Variants in MANBA observed in about 807,000 individuals in gnomAD.
The protein encoded by MANBA is mannosidase beta.
A neutral mutation model predicts 111.1 loss-of-function variants in MANBA; 83 were observed. The observed-to-expected ratio is 0.75, with a 90% CI of 0.63 to 0.90. The LOEUF is 0.90. Among genes scored for constraint, MANBA ranks in the 40% least tolerant of loss-of-function variants. The probability of loss-of-function intolerance (pLI) is 0.00; values close to 1 mark genes in which losing one functional copy is unlikely to be tolerated. For missense variants in MANBA, 1,036 were observed against 1,069.0 expected, an observed-to-expected ratio of 0.97 and a Z score of 0.43; for synonymous variants, 370 against 378.7, an observed-to-expected ratio of 0.98 and a Z score of 0.27.
chr4:102,711,924 G>A (rs1173608815), intron 5 of MANBA, among the ~76,000 whole-genome samples: 2 of 152,166 alleles, frequency 1.3e-5, no homozygotes, highest in African/African-American at 2.4e-5. Context: ...ATGAGTGGCA[G>A]AGAGGAATGA....
chr4:102,677,472 A>G (rs1250877333), intron 7 of MANBA, among the ~76,000 whole-genome samples: 1 of 152,242 alleles, frequency 6.6e-6, no homozygotes, highest in Non-Finnish European at 1.5e-5. Flanking sequence ...ACATTTTCCA[A>G]TAACCAATGC....
At chr4:102,677,237 T>C (rs888590177) in intron 7 of MANBA, among the ~76,000 whole-genome samples, 2 of 152,176 alleles carry the variant, frequency 1.3e-5, no homozygotes, top group Non-Finnish European at 2.9e-5. Context: ...AGTGAGCCTA[T>C]CATTTCAAGA....
At chr4:102,664,514 A>C (rs1489235338) in intron 11 of MANBA, among the ~76,000 whole-genome samples, 171 bp downstream of exon 11, 1 of 151,118 alleles carries the variant, frequency 6.6e-6, no homozygotes, top group Non-Finnish European at 1.5e-5. Context: ...GCGCCCAGCT[A>C]ATTTTTTTTG....
chr4:102,673,777 T>A, intron 8 of MANBA, 142 bp downstream of exon 8: 1 of 751,328 alleles, frequency 1.3e-6, no homozygotes, highest in African/African-American at 1.8e-5. Context: ...ATCCTGTCCA[T>A]TCTGAAGTTT....
intron 11 of MANBA, among the ~76,000 whole-genome samples, chr4:102,658,455 A>G (rs1387247283): frequency 6.6e-6 from 1 of 152,218 alleles, no homozygotes; most frequent in African/African-American, 2.4e-5. Context: ...AGTCAGATGG[A>G]CCCAAACGTG....
intron 4 of MANBA, among the ~76,000 whole-genome samples, chr4:102,718,888 G>A (rs574641904): frequency 6.6e-6 from 1 of 152,234 alleles, no homozygotes; most frequent in Admixed American, 6.5e-5. Flanking sequence ...ATTTTAACAG[G>A]GGAGGGGGTG....
At chr4:102,758,011 G>A (rs1724093368) in intron 1 of MANBA, among the ~76,000 whole-genome samples, 1 of 152,144 alleles carries the variant, frequency 6.6e-6, no homozygotes, top group South Asian at 2.1e-4. Flanking sequence ...CCTCTTTGCT[G>A]GAAATGCACT....
At chr4:102,702,820 T>A (rs901177571) in intron 5 of MANBA, among the ~76,000 whole-genome samples, 2 of 152,230 alleles carry the variant, frequency 1.3e-5, no homozygotes, top group African/African-American at 4.8e-5. Context: ...TCACTAATTT[T>A]AAGTCAAGAT....
chr4:102,714,507 A>G lies in MANBA; in HGVS notation c.604T>C (p.Trp202Arg). 1 of 1,605,354 alleles carries G rather than the reference A, an allele frequency of 6.2e-7. No homozygotes were observed. The highest frequency in any genetic ancestry group is 8.5e-7 in the Non-Finnish European group (1 of 1,172,004). Residue 202 changes from tryptophan to arginine, a missense_variant, in exon 5 of 17, where the codon TGG becomes CGG. Trp to Arg is a moderately radical substitution (Grantham distance 101). Transcript: ENST00000647097. The stretch of plus-strand genomic sequence containing the variant: ...TAGGCTTCAATTCTAACATCTTTCC[A>G]GATTCCCTGGGTAGGAAAGGAAGGC... The part of the protein sequence containing the change: ...WGPSFPTQGI[W>R]KDVRIEAYNI...
Position 102,760,771 on chromosome 4 carries a change from C to T in MANBA, c.124G>A (p.Gly42Arg), listed in dbSNP as rs776864457. 45 of 1,550,746 alleles carry T rather than the reference C, an allele frequency of 2.9e-5. No homozygotes were observed. In the Admixed American group the frequency reaches 3.7e-4, roughly 13 times the overall value. ...CNGNGSLELP[G>R]AVPGCVHSAL... ...CTGTGCACGCAGCCAGGGACCGCCC[C>T]GGGCAGCTCCAGCGAGCCGTTCCCA... Residue 42 changes from glycine to arginine, a missense_variant, in exon 1 of 17, where the codon GGG (glycine) becomes AGG (arginine). Transcript: ENST00000647097.
chr4:102,728,357 C>G, intron 1 of MANBA: 1 of 530,686 alleles, frequency 1.9e-6, no homozygotes, highest in East Asian at 5.4e-5. Flanking sequence ...TCTCTGCAGG[C>G]TTTTGCCTAC....
intron 1 of MANBA, among the ~76,000 whole-genome samples, chr4:102,753,406 C>A (rs1385903345): frequency 6.6e-6 from 1 of 151,996 alleles, no homozygotes; most frequent in African/African-American, 2.4e-5. Context: ...GAATTTTAAT[C>A]ATGTAACCTT....
At chr4:102,743,575 G>A (rs1317926798) in intron 1 of MANBA, among the ~76,000 whole-genome samples, 1 of 152,128 alleles carries the variant, frequency 6.6e-6, no homozygotes, top group African/African-American at 2.4e-5. Flanking sequence ...AGACGGCAGG[G>A]TGGCAGAAGT....
intron 6 of MANBA, among the ~76,000 whole-genome samples, chr4:102,690,120 T>A (rs962798122): frequency 6.6e-6 from 1 of 152,020 alleles, no homozygotes; most frequent in Non-Finnish European, 1.5e-5. Context: ...AATTATCAAT[T>A]AGAGGAATAG....
intron 1 of MANBA, among the ~76,000 whole-genome samples, chr4:102,747,613 G>A (rs1723636840): frequency 6.6e-6 from 1 of 152,146 alleles, no homozygotes; most frequent in African/African-American, 2.4e-5. Context: ...TTTCTCCTCT[G>A]TCAAATAGGA....
At chr4:102,699,752 C>T (rs540102081) in intron 5 of MANBA, among the ~76,000 whole-genome samples, 4,191 of 150,112 alleles carry the variant, frequency 0.028, 134 homozygotes, top group African/African-American at 0.08. Flanking sequence ...CTGCTGGATC[C>T]GGTTTGCCAG....
chr4:102,640,049 C>A lies in MANBA; in HGVS notation c.1870-192G>T, dbSNP rs375900627. On this transcript the variant is annotated intron_variant, in intron 13 of 16. Transcript: ENST00000647097. The stretch of plus-strand genomic sequence containing the variant: ...AACTAGCCCCTTAGCATGAGAGAAG[C>A]TGTTGTCTGTAACAGTGGGTTTGTC... Among the ~76,000 whole-genome samples the A allele has an allele frequency of 3.9e-5, 6 of 152,020 alleles. No homozygotes were observed. In the East Asian group the frequency reaches 5.8e-4, roughly 15 times the overall value.
rs1321696330 is a variant in MANBA, at chr4:102,631,562, T to G, written c.*495A>C. ...ATGTACAGAAAAATACCCATATACC[T>G]TTACCCAAATAGCTACCACCAAGAA... On this transcript the variant is annotated 3_prime_UTR_variant, in exon 17 of 17. Transcript: ENST00000647097. The G allele has an allele frequency of 1.2e-5, 5 of 409,664 alleles. No individual in the cohort carries two copies. Among genetic ancestry groups the G allele is most frequent in the Admixed American group, 4.0e-5 (1 of 24,738 alleles). The allele number at this position is 409,664 out of a possible 1,614,324, so 25.4% of individuals were successfully genotyped here.
intron 9 of MANBA, 103 bp from the exon 10 acceptor site, chr4:102,669,152 A>G (rs1376915421): frequency 4.4e-6 from 4 of 909,308 alleles, no homozygotes; most frequent in Non-Finnish European, 7.1e-6. Context: ...CACAAATGAA[A>G]AATCCAGTTA....
Sources: gnomAD v4.1 joint callset for allele counts (sites outside exome capture counted in the v4.1 genomes callset) on GRCh38, gnomAD v4.1.1 for gene constraint, MANE v1.5 for transcripts, NCBI Gene and HGNC (gene_info 2026-07-23, HGNC 2026-07-21) for gene names.